MYOM2: variants seen among roughly 807,000 people sequenced by gnomAD.
The protein encoded by MYOM2 is myomesin 2, also known as myomesin-2.
MYOM2 carries 254 observed loss-of-function variants against 187.6 expected under a neutral mutation model. The ratio of observed to expected loss-of-function variants is 1.35; its 90% CI spans 1.22 to 1.50. The LOEUF is 1.50. MYOM2 is among the 40% of genes most tolerant of loss of function. The pLI is 0.00. For synonymous variants in MYOM2, 981 were observed against 753.8 expected (o/e 1.30, Z -4.94); for missense variants, 2,796 against 1,924.0 (o/e 1.45, Z -8.48).
At chr8:2,045,496 T>C (rs1346699091) in intron 1 of MYOM2, among the ~76,000 whole-genome samples, 4 of 152,218 alleles carry the variant, frequency 2.6e-5, no homozygotes, top group African/African-American at 7.2e-5. Flanking sequence ...AGTGGACTGA[T>C]GTCTGCAAGT....
rs759014148 is a variant in MYOM2, at chr8:2,073,449, A to G, written c.1069A>G (p.Ile357Val). The change falls in exon 10 of 37, where the codon ATC becomes GTC. Residue 357 changes from isoleucine to valine, a missense_variant. Transcript: ENST00000262113. ...CGACGAGGGCCTGTACACCCTGCGC[A>G]TCGTGTCTCGGGGCGGCGTCAGCGA... ...KDDEGLYTLR[I>V]VSRGGVSDHS... 6 of 1,610,348 alleles carry G rather than the reference A, an allele frequency of 3.7e-6. No individual in the cohort carries two copies. The highest frequency in any genetic ancestry group is 2.2e-5 in the East Asian group (1 of 44,758).
At chr8:2,090,903 T>C (rs567690098) in intron 15 of MYOM2, among the ~76,000 whole-genome samples, 40 of 152,302 alleles carry the variant, frequency 2.6e-4, no homozygotes, top group African/African-American at 9.1e-4. Context: ...GTCTTGGCTA[T>C]TGTGTGAATA....
intron 6 of MYOM2, among the ~76,000 whole-genome samples, chr8:2,060,305 G>A (rs961187156): frequency 5.9e-5 from 9 of 152,032 alleles, no homozygotes; most frequent in African/African-American, 1.7e-4. Context: ...AGCCATTAAC[G>A]CCTCCTGAAA....
At chr8:2,054,766 C>T (rs966600017) in intron 3 of MYOM2, among the ~76,000 whole-genome samples, 3 of 152,212 alleles carry the variant, frequency 2.0e-5, no homozygotes, top group East Asian at 1.9e-4. Context: ...CTTCTCGATC[C>T]CTGCAATTTG....
chr8:2,140,041 A>T (rs1224137049), intron 32 of MYOM2, among the ~76,000 whole-genome samples: 1 of 151,286 alleles, frequency 6.6e-6, no homozygotes, highest in Non-Finnish European at 1.5e-5. Context: ...CCCACCCGAA[A>T]CTCTGTTCCC....
At chr8:2,059,327 T>C in intron 6 of MYOM2, 82 bp downstream of exon 6, 1 of 1,255,428 alleles carries the variant, frequency 8.0e-7, no homozygotes, top group Non-Finnish European at 1.1e-6. Flanking sequence ...GATGGGTAAC[T>C]GGAGGCCAAA....
intron 13 of MYOM2, chr8:2,084,915 T>C (rs1819756953): frequency 7.6e-6 from 2 of 263,880 alleles, no homozygotes; most frequent in Non-Finnish European, 1.4e-5. Context: ...GAATATGTTC[T>C]CTGCACAGAT....
chr8:2,096,202 C>G, intron 17 of MYOM2, 45 bp from the exon 18 acceptor site: 1 of 1,583,542 alleles, frequency 6.3e-7, no homozygotes. Context: ...GGACAAAGCC[C>G]CCAGCTGAGG....
intron 30 of MYOM2, 49 bp downstream of exon 30, chr8:2,123,691 A>C (rs758156958): frequency 6.6e-7 from 1 of 1,510,414 alleles, no homozygotes; most frequent in Non-Finnish European, 9.2e-7. Context: ...CCTTTCACCA[A>C]CAGGATGGGA....
intron 28 of MYOM2, among the ~76,000 whole-genome samples, chr8:2,120,396 G>C (rs747393372): frequency 2.6e-5 from 4 of 151,680 alleles, no homozygotes; most frequent in African/African-American, 4.8e-5. Context: ...GTGTGAGCTT[G>C]TTGATGAGCC....
At position 2,092,413 on chromosome 8, in the gene MYOM2, G is replaced by A. The variant is rs1259018153; in HGVS notation, c.1896G>A (p.Trp632Ter). The A allele has an allele frequency of 1.2e-6, 2 of 1,614,082 alleles. No homozygotes were observed. Among genetic ancestry groups the A allele is most frequent in the African/African-American group, 2.7e-5 (2 of 75,002 alleles). ...RNTKTSVVVQ[W>*]DRPKHEEDLL... ...CCAAGACGTCGGTGGTGGTGCAGTGGGACCGACCTAAGCATGAGGAGGACC... is the reference window on the plus strand; with the variant it reads ...CCAAGACGTCGGTGGTGGTGCAGTGAGACCGACCTAAGCATGAGGAGGACC... The change falls in exon 16 of 37, where the codon TGG (tryptophan) becomes TGA (stop). Residue 632 changes from tryptophan to a stop codon, truncating the protein, a stop_gained. Transcript: ENST00000262113. LOFTEE classifies it high-confidence loss of function.
chr8:2,100,331 C>G (rs915049305), intron 19 of MYOM2: 1 of 152,642 alleles, frequency 6.6e-6, no homozygotes, highest in Non-Finnish European at 1.5e-5. Flanking sequence ...GAGATGGCCT[C>G]TCAAGGCTCA....
chr8:2,133,760 C>G (rs529296449), intron 32 of MYOM2, among the ~76,000 whole-genome samples: 2 of 147,588 alleles, frequency 1.4e-5, no homozygotes, highest in East Asian at 2.0e-4. Flanking sequence ...AGTGTCTGGT[C>G]TGTCAGTCAT....
chr8:2,053,728 G>A (rs896918285), intron 3 of MYOM2, among the ~76,000 whole-genome samples: 16 of 152,198 alleles, frequency 1.1e-4, no homozygotes, highest in African/African-American at 3.6e-4. Context: ...TGATCCTCAC[G>A]TTAAATGCCA....
rs1819128513 is a variant in MYOM2 at position 2,069,224 on chromosome 8, A to C, written c.654-54A>C. The C allele has an allele frequency of 1.9e-6, 3 of 1,542,152 alleles. No individual in the cohort carries two copies. In the South Asian group the frequency reaches 3.5e-5, roughly 18 times the overall value. Reference sequence around the variant, plus strand: ...GGAATGCTTTTGTGCAATTCGGGTCACTGACTTTTACACAACAGTCCCGCA... The same window carrying C: ...GGAATGCTTTTGTGCAATTCGGGTCCCTGACTTTTACACAACAGTCCCGCA... On this transcript the variant is annotated intron_variant, in intron 6 of 36. Transcript: ENST00000262113.
intron 19 of MYOM2, among the ~76,000 whole-genome samples, chr8:2,099,547 G>C (rs901068377): frequency 1.3e-5 from 2 of 152,090 alleles, no homozygotes; most frequent in Admixed American, 1.3e-4. Flanking sequence ...CTTCTAAAAG[G>C]CATCATTGTT....
At chr8:2,059,973 C>T (rs921708828) in intron 6 of MYOM2, among the ~76,000 whole-genome samples, 1 of 152,172 alleles carries the variant, frequency 6.6e-6, no homozygotes, top group African/African-American at 2.4e-5. Context: ...AACTCCCGAC[C>T]TCATGTGATC....
intron 31 of MYOM2, 77 bp from the exon 32 acceptor site, chr8:2,129,050 T>G: frequency 9.2e-7 from 1 of 1,081,234 alleles, no homozygotes; most frequent in South Asian, 1.3e-5. Context: ...ACAGGAGGGC[T>G]TGCCGCCGCG....
At chr8:2,124,491 C>T (rs1797567703) in intron 31 of MYOM2, among the ~76,000 whole-genome samples, 1 of 152,212 alleles carries the variant, frequency 6.6e-6, no homozygotes, top group South Asian at 2.1e-4. Context: ...GGTTAATTGG[C>T]ATGACTGCTT....
Sources: allele counts gnomAD v4.1 joint callset (sites outside exome capture counted in the v4.1 genomes callset), GRCh38; gene constraint gnomAD v4.1.1; transcripts MANE v1.5; gene names NCBI Gene and HGNC (gene_info 2026-07-23, HGNC 2026-07-21).